The following RAPH1 variants were observed in gnomAD, a reference collection of about 807,000 sequenced individuals.
The protein encoded by RAPH1 is ras-associated and pleckstrin homology domains-containing protein 1.
RAPH1 carries 18 observed loss-of-function variants against 88.1 expected under a neutral mutation model. The ratio of observed to expected loss-of-function variants is 0.20; its 90% CI spans 0.14 to 0.30. The LOEUF (loss-of-function observed/expected upper bound fraction) is 0.30. Ranked by LOEUF, RAPH1 falls within the 10% of genes least tolerant of loss-of-function variation. The pLI, the probability that RAPH1 is intolerant of heterozygous loss-of-function variation, is 1.00. For synonymous variants in RAPH1, 587 were observed against 559.0 expected, an observed-to-expected ratio of 1.05 and a Z score of -0.71; for missense variants, 1,448 against 1,543.2, an observed-to-expected ratio of 0.94 and a Z score of 1.03.
intron 7 of RAPH1, 109 bp downstream of exon 7, chr2:203,459,798 A>G: frequency 8.8e-7 from 1 of 1,131,770 alleles, no homozygotes. Context: ...TTGCAGGTAT[A>G]TCGCTCCAAC....
At chr2:203,508,221 C>CAAAAAA (rs768340713) in intron 1 of RAPH1, among the ~76,000 whole-genome samples, 2 of 58,574 alleles carry the variant, frequency 3.4e-5, no homozygotes, top group African/African-American at 1.0e-4. Context: ...GACTCTGTCT[C>CAAAAAA]AAAAAAAAAA....
At chr2:203,466,815 A>T (rs546689695) in intron 4 of RAPH1, among the ~76,000 whole-genome samples, 1 of 152,348 alleles carries the variant, frequency 6.6e-6, no homozygotes, top group South Asian at 2.1e-4. Flanking sequence ...TTACGTAAAG[A>T]CAAAAACTAG....
chr2:203,479,989 GA>G (rs10716526), intron 4 of RAPH1, among the ~76,000 whole-genome samples: 15,910 of 151,896 alleles, frequency 0.1, 1,693 homozygotes, highest in African/African-American at 0.27. Flanking sequence ...CTCCCATGGG[GA>G]AAAAAAATGA....
intron 1 of RAPH1, among the ~76,000 whole-genome samples, chr2:203,496,295 T>A (rs144568206): frequency 6.6e-6 from 1 of 152,226 alleles, no homozygotes; most frequent in Non-Finnish European, 1.5e-5. Flanking sequence ...GAGACAGAGG[T>A]TGCAGAGAGC....
intron 13 of RAPH1, 105 bp downstream of exon 13, chr2:203,444,763 G>T: frequency 9.6e-7 from 1 of 1,045,450 alleles, no homozygotes. Context: ...AAAGGAGACT[G>T]AAATAAGGCC....
At chr2:203,465,453 T>C (rs1162601706) in intron 4 of RAPH1, among the ~76,000 whole-genome samples, 1 of 152,060 alleles carries the variant, frequency 6.6e-6, no homozygotes, top group East Asian at 1.9e-4. Context: ...ATAAAGACGA[T>C]AAAAAGATCA....
chr2:203,449,431 T>C (rs186205415), intron 10 of RAPH1, among the ~76,000 whole-genome samples: 15 of 152,336 alleles, frequency 9.8e-5, no homozygotes, highest in African/African-American at 2.9e-4. Flanking sequence ...AGGGGACACA[T>C]AGATGTCAAC....
intron 12 of RAPH1, chr2:203,447,124 C>T (rs1465524401): frequency 6.6e-6 from 1 of 150,606 alleles, no homozygotes; most frequent in Non-Finnish European, 1.5e-5. Context: ...TGTATATATT[C>T]TCTGCTGCAG....
rs974528363 is a variant in RAPH1 at position 203,464,820 on chromosome 2, A to G, written c.733-2895T>C. Among the ~76,000 whole-genome samples the G allele has an allele frequency of 8.5e-5, 13 of 152,350 alleles. 1 individual carries two copies. Among genetic ancestry groups the G allele is most frequent in the Admixed American group, 5.2e-4 (8 of 15,296 alleles). ...ATTCTTTAAAACAAAAATGAACATGATTTTAAAAATAGGCAAAAGACCTGA... is the reference window on the plus strand; with the variant it reads ...ATTCTTTAAAACAAAAATGAACATGGTTTTAAAAATAGGCAAAAGACCTGA... On this transcript the variant is annotated intron_variant, in intron 4 of 13. Coordinates refer to ENST00000319170, the MANE Select transcript of RAPH1 (RefSeq NM_213589.3).
intron 10 of RAPH1, among the ~76,000 whole-genome samples, chr2:203,450,217 C>G (rs1033870343): frequency 2.6e-5 from 4 of 151,992 alleles, no homozygotes; most frequent in African/African-American, 9.7e-5. Context: ...AAAGATCAAT[C>G]ACTCTGGTCT....
chr2:203,463,856 C>G (rs1403794646), intron 4 of RAPH1, among the ~76,000 whole-genome samples: 1 of 152,060 alleles, frequency 6.6e-6, no homozygotes, highest in East Asian at 1.9e-4. Context: ...AACGAGAAAA[C>G]TAAATTACTG....
In RAPH1 at chr2:203,439,419, A is replaced by T. The variant is rs1443564644; in HGVS notation, c.*18T>A. 6.2e-7 allele frequency: 1 copy of T among 1,605,574 alleles called. No individual in the cohort carries two copies. The highest frequency in any genetic ancestry group is 2.2e-5 in the East Asian group (1 of 44,660). ...TAGCAGTGATTACAGATATCATGAA[A>T]ATAAAGTCCTATGGTGGCTACCAGT... On this transcript the variant is annotated 3_prime_UTR_variant, in exon 14 of 14. Coordinates refer to ENST00000319170, the MANE Select transcript of RAPH1 (RefSeq NM_213589.3).
At chr2:203,470,868 T>C (rs2098532412) in intron 4 of RAPH1, among the ~76,000 whole-genome samples, 1 of 152,172 alleles carries the variant, frequency 6.6e-6, no homozygotes. Context: ...CAGTAAAACT[T>C]TATTAACCCA....
chr2:203,524,070 A>G (rs981268184), intron 1 of RAPH1, among the ~76,000 whole-genome samples: 1 of 152,220 alleles, frequency 6.6e-6, no homozygotes, highest in East Asian at 1.9e-4. Flanking sequence ...AATATATCCA[A>G]TAAAGAACTT....
chr2:203,435,861 AAGC>A lies in RAPH1; in HGVS notation c.*3573_*3575del, dbSNP rs1314431925. 8 of 152,340 alleles carry A rather than the reference AAGC, an allele frequency of 5.3e-5. No individual in the cohort carries two copies. The highest frequency in any genetic ancestry group is 1.9e-4 in the East Asian group (1 of 5,184). 9.4% of individuals were successfully genotyped at this position (152,340 alleles called of 1,614,324 possible). A position where few individuals can be genotyped will look rare whatever the true frequency, so the allele number is the denominator to read the frequency against. On this transcript the variant is annotated 3_prime_UTR_variant, in exon 14 of 14. Transcript: ENST00000319170. ...GATTTCTGTTGGTGGCTGAGAGTCA[AAGC>A]AGGCCAATCCACACCATTACCTGAA...
At position 203,513,625 on chromosome 2, in the gene RAPH1, C is replaced by T. The variant is rs1272225808; in HGVS notation, c.1-18272G>A. 2.0e-5 allele frequency among the ~76,000 whole-genome samples: 3 copies of T among 149,420 alleles called. No individual in the cohort carries two copies. In the East Asian group the frequency reaches 6.0e-4, roughly 30 times the overall value. On this transcript the variant is annotated intron_variant, in intron 1 of 13. Transcript: ENST00000319170. Reference sequence around the variant, plus strand: ...CTGAGGTGGGCAGATCACTTGAGGTCAGGAGTTCGAGACCAGCTGGCCAAC... The same window carrying T: ...CTGAGGTGGGCAGATCACTTGAGGTTAGGAGTTCGAGACCAGCTGGCCAAC...
At chr2:203,496,629 TAGC>T (rs1451951751) in intron 1 of RAPH1, among the ~76,000 whole-genome samples, 1 of 152,210 alleles carries the variant, frequency 6.6e-6, no homozygotes, top group Non-Finnish European at 1.5e-5. Flanking sequence ...TTCTTCAAGT[TAGC>T]AGATTATAAA....
intron 4 of RAPH1, among the ~76,000 whole-genome samples, chr2:203,465,605 CGGCAAG>C (rs2098527837): frequency 6.6e-6 from 1 of 152,100 alleles, no homozygotes; most frequent in Non-Finnish European, 1.5e-5. Flanking sequence ...TGTACAACAC[CGGCAAG>C]GCATGGTGGC....
At chr2:203,497,769 T>C (rs74532437) in intron 1 of RAPH1, among the ~76,000 whole-genome samples, 1 of 152,344 alleles carries the variant, frequency 6.6e-6, no homozygotes, top group Non-Finnish European at 1.5e-5. Context: ...ATAAATGTGA[T>C]TCTTAAGAAG....
Sources: allele counts gnomAD v4.1 joint callset (sites outside exome capture counted in the v4.1 genomes callset), GRCh38; gene constraint gnomAD v4.1.1; transcripts MANE v1.5; gene names NCBI Gene and HGNC (gene_info 2026-07-23, HGNC 2026-07-21).